STK32B: variants seen among roughly 807,000 people sequenced by gnomAD.
STK32B encodes the protein serine/threonine kinase 32B.
STK32B carries 43 observed loss-of-function variants against 52.6 expected under a neutral mutation model. The observed-to-expected ratio is 0.82, with a 90% CI of 0.64 to 1.05. The LOEUF is 1.05. Ranked by LOEUF, STK32B falls within the 50% of genes least tolerant of loss-of-function variation. The probability of loss-of-function intolerance (pLI) is 0.00; values close to 1 mark genes in which losing one functional copy is unlikely to be tolerated. For synonymous variants in STK32B, 238 were observed against 204.3 expected (o/e 1.17, Z -1.41); for missense variants, 621 against 534.6 (o/e 1.16, Z -1.59).
intron 5 of STK32B, among the ~76,000 whole-genome samples, chr4:5,404,887 G>C (rs571318418): frequency 1.7e-5 from 2 of 117,268 alleles, no homozygotes; most frequent in South Asian, 5.4e-4. Flanking sequence ...TTTTTTTTGA[G>C]ATGGAGTCTC....
intron 3 of STK32B, among the ~76,000 whole-genome samples, chr4:5,278,903 A>G (rs750982386): frequency 1.5e-4 from 23 of 152,144 alleles, no homozygotes; most frequent in Non-Finnish European, 2.5e-4. Context: ...ATATCTCATG[A>G]GAACACACTC....
At chr4:5,120,498 ATAAAT>A (rs990509090) in intron 1 of STK32B, among the ~76,000 whole-genome samples, 1 of 152,226 alleles carries the variant, frequency 6.6e-6, no homozygotes, top group Non-Finnish European at 1.5e-5. Context: ...TGCTTAACTT[ATAAAT>A]TAAACTTTTT....
intron 4 of STK32B, among the ~76,000 whole-genome samples, chr4:5,341,377 A>G (rs1020076590): frequency 2.6e-5 from 4 of 152,232 alleles, no homozygotes; most frequent in African/African-American, 7.2e-5. Context: ...TCCTGTTCAC[A>G]GTCACATCCG....
At chr4:5,322,907 T>A (rs1011969673) in intron 3 of STK32B, among the ~76,000 whole-genome samples, 14 of 152,192 alleles carry the variant, frequency 9.2e-5, no homozygotes, top group Non-Finnish European at 1.9e-4. Context: ...GGCTGACCTT[T>A]AGTTTGTAAG....
intron 4 of STK32B, among the ~76,000 whole-genome samples, chr4:5,377,426 C>T (rs1337143462): frequency 6.6e-6 from 1 of 152,174 alleles, no homozygotes. Flanking sequence ...TATCACAACA[C>T]CTATAAGCGC....
chr4:5,332,654 A>AC (rs958916346), intron 4 of STK32B, among the ~76,000 whole-genome samples: 4 of 151,834 alleles, frequency 2.6e-5, no homozygotes, highest in Non-Finnish European at 4.4e-5. Context: ...CGCTGCCTCC[A>AC]CCCCACAACA....
intron 3 of STK32B, among the ~76,000 whole-genome samples, chr4:5,205,813 G>T (rs1392301317): frequency 6.6e-6 from 1 of 152,134 alleles, no homozygotes; most frequent in African/African-American, 2.4e-5. Flanking sequence ...GGAGATATCT[G>T]TTCTTGCCTT....
At chr4:5,267,865 A>G (rs967922178) in intron 3 of STK32B, among the ~76,000 whole-genome samples, 2 of 152,156 alleles carry the variant, frequency 1.3e-5, no homozygotes, top group Admixed American at 6.5e-5. Context: ...CAGCTCCACC[A>G]TCTCTGGAGG....
chr4:5,275,211 T>G (rs1727734239), intron 3 of STK32B, among the ~76,000 whole-genome samples: 2 of 152,180 alleles, frequency 1.3e-5, no homozygotes, highest in Non-Finnish European at 2.9e-5. Context: ...ACAAAACCAA[T>G]TATATAATAT....
At chr4:5,437,490 A>G (rs1204359428) in intron 6 of STK32B, among the ~76,000 whole-genome samples, 2 of 152,336 alleles carry the variant, frequency 1.3e-5, no homozygotes, top group East Asian at 1.9e-4. Context: ...TTATAAAGAC[A>G]TCAGTTGTTG....
chr4:5,037,573 C>T, the STK32B span, among the ~76,000 whole-genome samples: 1 of 152,160 alleles, frequency 6.6e-6, no homozygotes, highest in Admixed American at 6.6e-5. Context: ...ATCAATTACT[C>T]TACAGATAAA....
intron 3 of STK32B, among the ~76,000 whole-genome samples, chr4:5,294,270 G>T (rs1577304959): frequency 6.6e-6 from 1 of 152,136 alleles, no homozygotes; most frequent in South Asian, 2.1e-4. Flanking sequence ...TGGCTGTACA[G>T]GCTGTCTTTT....
intron 4 of STK32B, among the ~76,000 whole-genome samples, chr4:5,355,407 G>A (rs1339628605): frequency 1.3e-5 from 2 of 152,082 alleles, no homozygotes; most frequent in Admixed American, 6.5e-5. Flanking sequence ...TTTCTTCCAA[G>A]TTCATATGTT....
At chr4:5,257,929 C>G (rs923660019) in intron 3 of STK32B, among the ~76,000 whole-genome samples, 1 of 151,902 alleles carries the variant, frequency 6.6e-6, no homozygotes, top group Non-Finnish European at 1.5e-5. Flanking sequence ...AGAGAAAGAG[C>G]AAGACTCCAT....
At chr4:5,147,748 A>G (rs2108841698) in intron 2 of STK32B, among the ~76,000 whole-genome samples, 1 of 152,140 alleles carries the variant, frequency 6.6e-6, no homozygotes, top group East Asian at 1.9e-4. Flanking sequence ...CCAACTGTGT[A>G]TTACTGAGAT....
At chr4:5,316,876 A>AATATATAATATATATG (rs1560311886) in intron 3 of STK32B, among the ~76,000 whole-genome samples, 3 of 4,730 alleles carry the variant, frequency 6.3e-4, no homozygotes, top group East Asian at 0.031. Context: ...TATTATATAT[A>AATATATAATATATATG]ATATATTATA....
At chr4:5,221,705 A>G (rs1287219371) in intron 3 of STK32B, among the ~76,000 whole-genome samples, 1 of 151,888 alleles carries the variant, frequency 6.6e-6, no homozygotes, top group East Asian at 1.9e-4. Context: ...AAAATACAAA[A>G]ATTAGCCAGG....
chr4:5,375,090 C>G (rs1735499449), intron 4 of STK32B, among the ~76,000 whole-genome samples: 1 of 152,178 alleles, frequency 6.6e-6, no homozygotes, highest in Non-Finnish European at 1.5e-5. Context: ...TGTAAGTCCC[C>G]TCCCACCCCT....
At position 5,337,509 on chromosome 4, in the gene STK32B, G is replaced by T. The variant is rs142776877; in HGVS notation, c.434+6116G>T. Among the ~76,000 whole-genome samples, 27 of 152,268 alleles carry T rather than the reference G, an allele frequency of 1.8e-4. No homozygotes were observed. The South Asian group carries it at 5.4e-3, about 30-fold the overall frequency. ...TGGAACTCCAGCAAAGCAGATAGGCGTAGGAAAACTCCAGGATGATGCTGA... is the reference window on the plus strand; with the variant it reads ...TGGAACTCCAGCAAAGCAGATAGGCTTAGGAAAACTCCAGGATGATGCTGA... On this transcript the variant is annotated intron_variant, in intron 4 of 11. Coordinates refer to ENST00000282908, the MANE Select transcript of STK32B (RefSeq NM_018401.3).
Sources: gnomAD v4.1 joint callset for allele counts (sites outside exome capture counted in the v4.1 genomes callset) on GRCh38, gnomAD v4.1.1 for gene constraint, MANE v1.5 for transcripts, NCBI Gene and HGNC (gene_info 2026-07-23, HGNC 2026-07-21) for gene names.